Variants in NTM observed in about 807,000 individuals in gnomAD.
The protein encoded by NTM is IgLON family member 2.
Under a neutral mutation model 42.1 loss-of-function variants are expected in NTM, and 13 were observed. The ratio of observed to expected loss-of-function variants is 0.31; its 90% CI spans 0.20 to 0.49. NTM has a LOEUF of 0.49. NTM is among the 20% of genes least tolerant of loss of function. The pLI, the probability that NTM is intolerant of heterozygous loss-of-function variation, is 0.99. For missense variants in NTM, 373 were observed against 452.8 expected (o/e 0.82, Z 1.60); for synonymous variants, 187 against 179.2 (o/e 1.04, Z -0.35).
rs1941045294 is a variant in NTM, at chr11:131,370,716, C to T, written c.-91C>T. 13 of 1,119,022 alleles carry T rather than the reference C, an allele frequency of 1.2e-5. No individual in the cohort carries two copies. The highest frequency in any genetic ancestry group is 8.5e-5 in the South Asian group (6 of 70,324). The allele number at this position is 1,119,022 out of a possible 1,614,324, so 69.3% of individuals were successfully genotyped here. ...AACAGTGGATTTAAATCTCCTTGCA[C>T]AAGCTTGAGAGCAACACAATCTATC... is the stretch of plus-strand genomic sequence containing the variant. On this transcript the variant is annotated 5_prime_UTR_variant, in exon 1 of 9. An upstream open reading frame in the 5' UTR gains an earlier in-frame stop. Transcript: ENST00000683400.
intron 2 of NTM, among the ~76,000 whole-genome samples, chr11:131,979,038 T>C (rs531154949): frequency 5.9e-5 from 9 of 152,138 alleles, no homozygotes; most frequent in Non-Finnish European, 8.8e-5. Context: ...TCGCTCGCTC[T>C]TGGGTACATA....
chr11:131,999,839 C>T (rs2068826314), intron 2 of NTM, among the ~76,000 whole-genome samples: 1 of 152,188 alleles, frequency 6.6e-6, no homozygotes, highest in African/African-American at 2.4e-5. Flanking sequence ...CTCTCCCATG[C>T]TTTTGTTACA....
intron 4 of NTM, among the ~76,000 whole-genome samples, chr11:132,299,086 G>C (rs994124080): frequency 9.9e-5 from 15 of 152,154 alleles, no homozygotes; most frequent in African/African-American, 3.1e-4. Flanking sequence ...ATGAGGTCAG[G>C]AGGTCGAGAC....
At chr11:131,966,205 A>C (rs118140462) in intron 2 of NTM, among the ~76,000 whole-genome samples, 154 of 152,294 alleles carry the variant, frequency 1.0e-3, no homozygotes, top group Non-Finnish European at 1.4e-3. Context: ...AACAGAATGG[A>C]TCCTGATTCA....
chr11:131,570,575 A>G (rs1037368378), intron 1 of NTM, among the ~76,000 whole-genome samples: 8 of 152,230 alleles, frequency 5.3e-5, no homozygotes, highest in Non-Finnish European at 8.8e-5. Flanking sequence ...CTGTAATCCC[A>G]GCACTTTGGG....
At chr11:131,815,287 T>C (rs1042820692) in intron 1 of NTM, among the ~76,000 whole-genome samples, 1 of 152,156 alleles carries the variant, frequency 6.6e-6, no homozygotes, top group African/African-American at 2.4e-5. Context: ...AAGGACTGCC[T>C]TCTGGGAGCT....
chr11:132,067,749 G>A (rs1246521591), intron 2 of NTM, among the ~76,000 whole-genome samples: 1 of 152,190 alleles, frequency 6.6e-6, no homozygotes, highest in Non-Finnish European at 1.5e-5. Context: ...TTCTGGCCTT[G>A]CAATTCTGGG....
At position 131,789,545 on chromosome 11, in the gene NTM, G is replaced by GA. The variant is rs71067335; in HGVS notation, c.83-122015dup. On this transcript the variant is annotated intron_variant, in intron 1 of 8. Coordinates refer to ENST00000683400, the MANE Select transcript of NTM (RefSeq NM_001352005.2). ...AGAAGAAGAAGAAGAAGAAGAAGAAGAAAAGAAGAAGAAGAAGAAGAAGAA... is the reference window on the plus strand; with the variant it reads ...AGAAGAAGAAGAAGAAGAAGAAGAAGAAAAAGAAGAAGAAGAAGAAGAAGAA... Among the ~76,000 whole-genome samples the GA allele has an allele frequency of 3.9e-4, 2 of 5,128 alleles. 1 individual carries two copies. The highest frequency in any genetic ancestry group is 2.2e-3 in the African/African-American group (2 of 928). The allele number at this position is 5,128 out of a possible 152,430, so 3.4% of individuals were successfully genotyped here.
chr11:131,854,354 A>G lies in NTM; in HGVS notation c.83-57210A>G, dbSNP rs2045898297. ...GACACCAAATTGTTTTTAAAAAGGA[A>G]AACTTCTTTTGCTCACAAGCACTGT... On this transcript the variant is annotated intron_variant, in intron 1 of 8. Transcript: ENST00000683400. 2.0e-5 allele frequency among the ~76,000 whole-genome samples: 3 copies of G among 152,238 alleles called. No individual in the cohort carries two copies. The South Asian group carries it at 6.2e-4, about 31-fold the overall frequency.
chr11:131,809,908 G>A lies in NTM; in HGVS notation c.83-101656G>A, dbSNP rs946650124. 2.0e-5 allele frequency among the ~76,000 whole-genome samples: 3 copies of A among 152,168 alleles called. No individual in the cohort carries two copies. In the South Asian group the frequency reaches 6.2e-4, roughly 32 times the overall value. On this transcript the variant is annotated intron_variant, in intron 1 of 8. Transcript: ENST00000683400. The stretch of plus-strand genomic sequence containing the variant: ...TCCAAATTCCTGCCTTGACGTGGAT[G>A]TATGTTTTGATAGAAGGTTAATGCA...
intron 2 of NTM, among the ~76,000 whole-genome samples, chr11:131,921,663 C>T (rs1207269535): frequency 2.6e-5 from 4 of 152,104 alleles, no homozygotes; most frequent in Middle Eastern, 3.2e-3. Context: ...CTGGTTAGAT[C>T]ACCCAGTTCC....
At chr11:131,854,130 T>G (rs922256334) in intron 1 of NTM, among the ~76,000 whole-genome samples, 1 of 152,214 alleles carries the variant, frequency 6.6e-6, no homozygotes, top group African/African-American at 2.4e-5. Flanking sequence ...ATCTCATAAC[T>G]GAAGTCATCT....
chr11:131,984,858 G>T (rs1357815506), intron 2 of NTM, among the ~76,000 whole-genome samples: 1 of 152,118 alleles, frequency 6.6e-6, no homozygotes. Flanking sequence ...TTCTCTTAAT[G>T]TGGATACATT....
chr11:131,543,587 G>A (rs1249825232), intron 1 of NTM, among the ~76,000 whole-genome samples: 2 of 152,186 alleles, frequency 1.3e-5, no homozygotes, highest in East Asian at 1.9e-4. Context: ...GGGTTTGCCT[G>A]GGCTACTTTT....
chr11:132,188,304 CA>C (rs1330184862), intron 3 of NTM, among the ~76,000 whole-genome samples: 1 of 152,146 alleles, frequency 6.6e-6, no homozygotes, highest in African/African-American at 2.4e-5. Flanking sequence ...TTATAGGAGA[CA>C]AAGCTGAAGA....
intron 1 of NTM, among the ~76,000 whole-genome samples, chr11:131,419,070 C>A (rs1947245561): frequency 6.6e-6 from 1 of 152,154 alleles, no homozygotes; most frequent in African/African-American, 2.4e-5. Flanking sequence ...CATTTACCCA[C>A]CCATCTGTTC....
At chr11:131,419,179 C>G (rs1244256714) in intron 1 of NTM, among the ~76,000 whole-genome samples, 2 of 152,048 alleles carry the variant, frequency 1.3e-5, no homozygotes, top group Non-Finnish European at 1.5e-5. Context: ...AACAAACAAA[C>G]AAACAAAAAC....
chr11:132,057,374 C>A (rs547940852), intron 2 of NTM, among the ~76,000 whole-genome samples: 1 of 152,130 alleles, frequency 6.6e-6, no homozygotes, highest in South Asian at 2.1e-4. Context: ...GCAAAAACTT[C>A]TTCCCTGATT....
At chr11:131,560,019 T>G (rs966104174) in intron 1 of NTM, among the ~76,000 whole-genome samples, 2 of 152,238 alleles carry the variant, frequency 1.3e-5, no homozygotes, top group Non-Finnish European at 2.9e-5. Flanking sequence ...CTGTTTTGAC[T>G]CTGCAATTGG....
Sources: gnomAD v4.1 joint callset for allele counts (sites outside exome capture counted in the v4.1 genomes callset) on GRCh38, gnomAD v4.1.1 for gene constraint, MANE v1.5 for transcripts, NCBI Gene and HGNC (gene_info 2026-07-23, HGNC 2026-07-21) for gene names.